Variants in ZBTB8A observed in about 807,000 individuals in gnomAD.
ZBTB8A encodes the protein zinc finger and BTB domain-containing protein 8A.
A neutral mutation model predicts 37.8 loss-of-function variants in ZBTB8A; 19 were observed. That is an observed-to-expected ratio of 0.50 (90% CI 0.35 to 0.74). ZBTB8A has a LOEUF of 0.74. ZBTB8A is among the 30% of genes least tolerant of loss of function. ZBTB8A has a pLI of 0.01. For synonymous variants in ZBTB8A, 181 were observed against 185.2 expected (o/e 0.98, Z 0.19); for missense variants, 394 against 537.8 (o/e 0.73, Z 2.65).
chr1:32,573,738 CTTTTTTTTTT>C (rs753573244), intron 2 of ZBTB8A, among the ~76,000 whole-genome samples: 3 of 95,030 alleles, frequency 3.2e-5, no homozygotes, highest in African/African-American at 1.3e-4. Flanking sequence ...CCAGCTAAAA[CTTTTTTTTTT>C]TTTTTTTTTT....
intron 2 of ZBTB8A, among the ~76,000 whole-genome samples, chr1:32,566,467 A>G (rs181346669): frequency 1.3e-5 from 2 of 149,398 alleles, no homozygotes; most frequent in Non-Finnish European, 1.5e-5. Flanking sequence ...CAAGACTGCA[A>G]TGAGCCGTGA....
intron 1 of ZBTB8A, among the ~76,000 whole-genome samples, chr1:32,542,174 G>A (rs771035986): frequency 6.6e-6 from 1 of 152,132 alleles, no homozygotes; most frequent in Non-Finnish European, 1.5e-5. Flanking sequence ...ACTCAGGAAC[G>A]TTTGCTAAGC....
intron 2 of ZBTB8A, among the ~76,000 whole-genome samples, chr1:32,573,935 G>T (rs1307070797): frequency 6.6e-6 from 1 of 151,448 alleles, no homozygotes; most frequent in African/African-American, 2.4e-5. Context: ...AATTAGCCGG[G>T]TGTGGCAGCG....
chr1:32,543,859 G>T (rs1193495986), intron 1 of ZBTB8A, among the ~76,000 whole-genome samples: 1 of 152,040 alleles, frequency 6.6e-6, no homozygotes, highest in Non-Finnish European at 1.5e-5. Context: ...TGTATTTTTA[G>T]TAGAGACAGG....
chr1:32,544,032 T>C (rs1644081215), intron 1 of ZBTB8A, among the ~76,000 whole-genome samples: 1 of 152,200 alleles, frequency 6.6e-6, no homozygotes, highest in Non-Finnish European at 1.5e-5. Flanking sequence ...TGTGGTGGCG[T>C]AATCCTGGCT....
At chr1:32,545,998 G>A (rs1473645426) in intron 1 of ZBTB8A, among the ~76,000 whole-genome samples, 1 of 152,116 alleles carries the variant, frequency 6.6e-6, no homozygotes, top group African/African-American at 2.4e-5. Flanking sequence ...TAGACAGTGA[G>A]CTGCTTGAAA....
chr1:32,562,927 T>A (rs1644254486), intron 2 of ZBTB8A, among the ~76,000 whole-genome samples: 1 of 152,130 alleles, frequency 6.6e-6, no homozygotes, highest in South Asian at 2.1e-4. Flanking sequence ...TATAAACTGT[T>A]ATTTTGGTAT....
At position 32,592,675 on chromosome 1, in the gene ZBTB8A, T is replaced by C. The variant is rs186801407; in HGVS notation, c.-1-256T>C. Among the ~76,000 whole-genome samples the C allele has an allele frequency of 1.6e-3, 245 of 152,086 alleles. 1 individual carries two copies. Among genetic ancestry groups the C allele is most frequent in the African/African-American group, 5.0e-3 (207 of 41,488 alleles). ...GCACCCGCCACCACGCCCAGCTAAT[T>C]TTTGTATTTTTGGTAGAGACAGGGT... On this transcript the variant is annotated intron_variant, in intron 2 of 4. Transcript: ENST00000373510.
At position 32,601,814 on chromosome 1, in the gene ZBTB8A, TCAA is replaced by T; in HGVS notation, c.*1401_*1403del. On this transcript the variant is annotated 3_prime_UTR_variant, in exon 5 of 5. Transcript: ENST00000373510. ...TATGAAAGGAGGAATTGAATCATTTTCAACAACATACAATATCTTGATCTAGAG... is the reference window on the plus strand; with the variant it reads ...TATGAAAGGAGGAATTGAATCATTTTCAACATACAATATCTTGATCTAGAG... 1 of 397,078 alleles carries T rather than the reference TCAA, an allele frequency of 2.5e-6. No individual in the cohort carries two copies. The highest frequency in any genetic ancestry group is 4.4e-6 in the Non-Finnish European group (1 of 225,526). 24.6% of individuals were successfully genotyped at this position (397,078 alleles called of 1,614,324 possible).
rs1644520806 is a variant in ZBTB8A, at chr1:32,595,210, G to T, written c.980G>T (p.Ser327Ile). ...TTTAGCAGGCTAGACCATCTAAGTA[G>T]CCATTTTCGAACAGTATGTATGATT... Reference protein sequence around the residue: ...KRFSRLDHLSSHFRTIHQACK... With the variant: ...KRFSRLDHLSIHFRTIHQACK... Residue 327 changes from serine to isoleucine, a missense_variant, in exon 4 of 5, where the codon AGC (serine) becomes ATC (isoleucine). Physicochemically the swap from Ser to Ile is moderately radical, Grantham distance 142 (BLOSUM62 -2). Around this residue, in one of 4 missense-constraint regions of ZBTB8A, gnomAD observed 42 missense variants for 96.4 expected, o/e 0.44. Coordinates refer to ENST00000373510, the MANE Select transcript of ZBTB8A (RefSeq NM_001040441.3). 2 of 1,613,314 alleles carry T rather than the reference G, an allele frequency of 1.2e-6. No homozygotes were observed. Among genetic ancestry groups the T allele is most frequent in the South Asian group, 2.2e-5 (2 of 91,034 alleles).
At chr1:32,577,740 C>T (rs1644373971) in intron 2 of ZBTB8A, among the ~76,000 whole-genome samples, 1 of 151,526 alleles carries the variant, frequency 6.6e-6, no homozygotes, top group Non-Finnish European at 1.5e-5. Context: ...TGCCACCACC[C>T]CTGCTAATAT....
chr1:32,593,146 C>T lies in ZBTB8A; in HGVS notation c.215C>T (p.Ser72Phe), dbSNP rs1452415203. Residue 72 changes from serine (S) to phenylalanine (F), a missense_variant, in exon 3 of 5, where the codon TCC becomes TTC. Physicochemically the swap from Ser to Phe is radical, Grantham distance 155. Transcript: ENST00000373510. Reference sequence around the variant, plus strand: ...ACCACAGCTACATTTCAGGCTTTCTCCCCTGACACTTTTACAGTTATCTTG... The same window carrying T: ...ACCACAGCTACATTTCAGGCTTTCTTCCCTGACACTTTTACAGTTATCTTG... ...QPTTATFQAFSPDTFTVILDF... is the reference protein window; with the variant it reads ...QPTTATFQAFFPDTFTVILDF... The T allele has an allele frequency of 6.2e-7, 1 of 1,614,066 alleles. No homozygotes were observed. The highest frequency in any genetic ancestry group is 8.5e-7 in the Non-Finnish European group (1 of 1,180,046).
intron 1 of ZBTB8A, among the ~76,000 whole-genome samples, chr1:32,549,959 C>T (rs924713749): frequency 6.6e-6 from 1 of 152,170 alleles, no homozygotes; most frequent in Non-Finnish European, 1.5e-5. Context: ...TTCTGCCTTC[C>T]GGATCTCACA....
At chr1:32,566,572 G>T (rs1038049127) in intron 2 of ZBTB8A, among the ~76,000 whole-genome samples, 1 of 152,042 alleles carries the variant, frequency 6.6e-6, no homozygotes, top group African/African-American at 2.4e-5. Context: ...AATAATTCTA[G>T]TTCTTCCACA....
At chr1:32,570,880 C>CT (rs531680570) in intron 2 of ZBTB8A, among the ~76,000 whole-genome samples, 157 of 143,338 alleles carry the variant, frequency 1.1e-3, no homozygotes, top group Middle Eastern at 3.6e-3. Context: ...CCTGTTATTT[C>CT]TTTTTTTTTT....
chr1:32,599,966 G>C (rs939550545), intron 4 of ZBTB8A, 121 bp from the exon 5 acceptor site: 1 of 708,310 alleles, frequency 1.4e-6, no homozygotes, highest in African/African-American at 1.8e-5. Context: ...CTAAATAATA[G>C]ATGTTAATTT....
chr1:32,560,599 T>G (rs1644236306), intron 2 of ZBTB8A, among the ~76,000 whole-genome samples: 2 of 150,712 alleles, frequency 1.3e-5, no homozygotes, highest in African/African-American at 2.4e-5. Context: ...TCTTTCTTTT[T>G]TCTTTTCTTT....
intron 1 of ZBTB8A, among the ~76,000 whole-genome samples, chr1:32,548,089 C>T (rs111751189): frequency 3.5e-5 from 5 of 141,968 alleles, no homozygotes; most frequent in Admixed American, 7.2e-5. Context: ...GCCGAGATTG[C>T]ACCACTGCAC....
At chr1:32,578,557 A>G (rs902086219) in intron 2 of ZBTB8A, among the ~76,000 whole-genome samples, 2 of 151,932 alleles carry the variant, frequency 1.3e-5, no homozygotes, top group African/African-American at 4.8e-5. Flanking sequence ...ATCTTTCAAT[A>G]TGTTCATTTT....
Sources: allele counts gnomAD v4.1 joint callset (sites outside exome capture counted in the v4.1 genomes callset), GRCh38; gene constraint gnomAD v4.1.1; regional missense constraint gnomAD v4.1.1; transcripts MANE v1.5; gene names NCBI Gene and HGNC (gene_info 2026-07-23, HGNC 2026-07-21).